The following CHMP5 variants were observed in gnomAD, a reference collection of about 807,000 sequenced individuals.
CHMP5 encodes the protein charged multivesicular body protein 5, also known as SNF7 domain containing 2.
In CHMP5, 17 loss-of-function variants were observed where a neutral mutation model predicts 33.0. The observed-to-expected ratio is 0.52, with a 90% CI of 0.35 to 0.77. The LOEUF is 0.77. Among genes scored for constraint, CHMP5 ranks in the 30% least tolerant of loss-of-function variants. The pLI is 0.01. For missense variants in CHMP5, 216 were observed against 261.5 expected, an observed-to-expected ratio of 0.83 and a Z score of 1.20; for synonymous variants, 76 against 90.2, an observed-to-expected ratio of 0.84 and a Z score of 0.89.
chr9:33,279,223 C>T (rs1820891137), intron 7 of CHMP5, among the ~76,000 whole-genome samples: 1 of 152,182 alleles, frequency 6.6e-6, no homozygotes, highest in Non-Finnish European at 1.5e-5. Flanking sequence ...CTAATAATGA[C>T]AACCAGGCTG....
At chr9:33,275,259 C>T (rs1271602421) in intron 5 of CHMP5, among the ~76,000 whole-genome samples, 1 of 152,166 alleles carries the variant, frequency 6.6e-6, no homozygotes, top group Admixed American at 6.6e-5. Flanking sequence ...TTGGTATAGA[C>T]AGACATCCTG....
At chr9:33,269,314 G>T (rs574245673) in intron 3 of CHMP5, among the ~76,000 whole-genome samples, 5 of 152,164 alleles carry the variant, frequency 3.3e-5, no homozygotes, top group African/African-American at 1.2e-4. Flanking sequence ...GATAAGCCTG[G>T]CCAACATGGT....
At position 33,265,140 on chromosome 9, in the gene CHMP5, T is replaced by C. The variant is rs752987433; in HGVS notation, c.62T>C (p.Ile21Thr). The change falls in exon 1 of 8, where the codon ATT becomes ACT. Residue 21 changes from isoleucine (I) to threonine (T), a missense_variant. Physicochemically the swap from Ile to Thr is moderately conservative, Grantham distance 89. Transcript: ENST00000223500. ...KAPPPSLTDC[I>T]GTVDSRAESI... is the part of the protein sequence containing the mutation. ...CCGCCGCCCAGCCTGACTGACTGCA[T>C]TGGCACGGTGGGCATTTGATCATGC... The C allele has an allele frequency of 2.5e-6, 4 of 1,613,964 alleles. No individual in the cohort carries two copies. The East Asian group carries it at 8.9e-5, about 36-fold the overall frequency.
At chr9:33,272,356 C>T (rs1820803932) in intron 5 of CHMP5, among the ~76,000 whole-genome samples, 1 of 143,910 alleles carries the variant, frequency 6.9e-6, no homozygotes, top group Non-Finnish European at 1.5e-5. Context: ...AAAGTATTTG[C>T]TGGTTGATGA....
chr9:33,270,605 T>C lies in CHMP5; in HGVS notation c.222-18T>C, dbSNP rs765116473. Reference sequence around the variant, plus strand: ...TATCTGGTTCATATATTTGCCATTCTCAATTGACTCTAAAAAGGTATGAGC... The same window carrying C: ...TATCTGGTTCATATATTTGCCATTCCCAATTGACTCTAAAAAGGTATGAGC... On this transcript the variant is annotated intron_variant, in intron 3 of 7. Coordinates refer to ENST00000223500, the MANE Select transcript of CHMP5 (RefSeq NM_016410.6). The C allele has an allele frequency of 6.3e-7, 1 of 1,598,414 alleles. No homozygotes were observed. Among genetic ancestry groups the C allele is most frequent in the Admixed American group, 1.7e-5 (1 of 59,840 alleles).
At chr9:33,277,379 A>G (rs1020524456) in intron 6 of CHMP5, among the ~76,000 whole-genome samples, 3 of 152,128 alleles carry the variant, frequency 2.0e-5, no homozygotes, top group Non-Finnish European at 2.9e-5. Context: ...TAGAGCACAG[A>G]CTATAGGGAA....
intron 3 of CHMP5, 37 bp downstream of exon 3, chr9:33,267,936 T>TAA (rs1260378589): frequency 6.9e-7 from 1 of 1,439,570 alleles, no homozygotes; most frequent in Non-Finnish European, 9.8e-7. Context: ...CTAGCAGGTT[T>TAA]AACTAAAAGA....
chr9:33,274,775 C>T (rs1820833532), intron 5 of CHMP5, among the ~76,000 whole-genome samples: 2 of 152,140 alleles, frequency 1.3e-5, no homozygotes, highest in South Asian at 2.1e-4. Flanking sequence ...GCCACCATGC[C>T]TGGCTAATTT....
intron 6 of CHMP5, chr9:33,277,901 T>C: frequency 2.2e-6 from 1 of 449,214 alleles, no homozygotes. Flanking sequence ...GATAAGTCTC[T>C]ACCTGCTATT....
chr9:33,271,484 A>G (rs895029764), intron 5 of CHMP5, among the ~76,000 whole-genome samples: 3 of 152,226 alleles, frequency 2.0e-5, no homozygotes, highest in Non-Finnish European at 4.4e-5. Context: ...TGCGAAAACT[A>G]TATGCATTCA....
intron 5 of CHMP5, 91 bp from the exon 6 acceptor site, chr9:33,276,365 C>T: frequency 4.4e-6 from 3 of 683,588 alleles, no homozygotes; most frequent in Non-Finnish European, 7.6e-6. Context: ...AAAAATTGCT[C>T]ATGTCTAGAT....
intron 3 of CHMP5, among the ~76,000 whole-genome samples, 176 bp from the exon 4 acceptor site, chr9:33,270,447 T>C (rs1355409935): frequency 1.3e-5 from 2 of 152,226 alleles, no homozygotes; most frequent in African/African-American, 4.8e-5. Flanking sequence ...CATCAAATGA[T>C]ATTTGTGTTA....
chr9:33,273,740 TTTTG>T (rs1820821878), intron 5 of CHMP5, among the ~76,000 whole-genome samples: 1 of 152,066 alleles, frequency 6.6e-6, no homozygotes, highest in Non-Finnish European at 1.5e-5. Context: ...TTTATATTGC[TTTTG>T]TTTGTTTATA....
intron 3 of CHMP5, 55 bp from the exon 4 acceptor site, chr9:33,270,568 C>T (rs1820781945): frequency 1.5e-6 from 2 of 1,336,164 alleles, no homozygotes. Context: ...ATACTTTGTT[C>T]TTGAGGATTT....
At chr9:33,274,349 C>T (rs551809047) in intron 5 of CHMP5, among the ~76,000 whole-genome samples, 5 of 152,304 alleles carry the variant, frequency 3.3e-5, no homozygotes, top group African/African-American at 1.2e-4. Flanking sequence ...GCTTGGATTA[C>T]AGGCATAAGC....
Position 33,278,204 on chromosome 9 carries a change from T to C in CHMP5, c.588T>C (p.Val196=), listed in dbSNP as rs750688988. 6.2e-7 allele frequency: 1 copy of C among 1,608,284 alleles called. No individual in the cohort carries two copies. Among genetic ancestry groups the C allele is most frequent in the Non-Finnish European group, 8.5e-7 (1 of 1,175,464 alleles). Residue 196 remains valine, a synonymous_variant, in exon 7 of 8, where the codon GTT becomes GTC. Coordinates refer to ENST00000223500, the MANE Select transcript of CHMP5 (RefSeq NM_016410.6). Reference sequence around the variant, plus strand: ...CTGCACCTGCAATTCCAGAAGGTGTTCCCACTGATACAAAAAACAAGGTGA... The same window carrying C: ...CTGCACCTGCAATTCCAGAAGGTGTCCCCACTGATACAAAAAACAAGGTGA... The part of the protein sequence containing the change: ...AASAPAIPEG[V]PTDTKNKDGV...
At chr9:33,266,966 A>G (rs753861005) in intron 2 of CHMP5, among the ~76,000 whole-genome samples, 4 of 152,238 alleles carry the variant, frequency 2.6e-5, no homozygotes, top group Non-Finnish European at 5.9e-5. Flanking sequence ...TTCCAGATCC[A>G]TAACTTATTA....
At chr9:33,272,393 CA>C (rs10710870) in intron 5 of CHMP5, among the ~76,000 whole-genome samples, 92,871 of 125,062 alleles carry the variant, frequency 0.74, 33,530 homozygotes, top group East Asian at 0.82. Context: ...GGAGATAAAG[CA>C]AAAAAAAAAA....
chr9:33,277,795 T>G (rs1172448923), intron 6 of CHMP5: 1 of 201,266 alleles, frequency 5.0e-6, no homozygotes, highest in Non-Finnish European at 1.0e-5. Flanking sequence ...CTACTGCTGC[T>G]TTCCCGCTCT....
Sources: gnomAD v4.1 joint callset for allele counts (sites outside exome capture counted in the v4.1 genomes callset) on GRCh38, gnomAD v4.1.1 for gene constraint, MANE v1.5 for transcripts, NCBI Gene and HGNC (gene_info 2026-07-23, HGNC 2026-07-21) for gene names.